The following CSMD3 variants were observed in gnomAD, a reference collection of about 807,000 sequenced individuals.
CSMD3 encodes CUB and Sushi multiple domains 3.
A neutral mutation model predicts 435.2 loss-of-function variants in CSMD3; 177 were observed. That is an observed-to-expected ratio of 0.41 (90% CI 0.36 to 0.46). The LOEUF (loss-of-function observed/expected upper bound fraction) is 0.46. Ranked by LOEUF, CSMD3 falls within the 20% of genes least tolerant of loss-of-function variation. The pLI is 0.34. For synonymous variants in CSMD3, 1,656 were observed against 1,520.5 expected, an observed-to-expected ratio of 1.09 and a Z score of -2.07; for missense variants, 4,265 against 4,504.6, an observed-to-expected ratio of 0.95 and a Z score of 1.52.
intron 3 of CSMD3, among the ~76,000 whole-genome samples, chr8:113,243,338 T>C (rs2093240182): frequency 6.6e-6 from 1 of 151,972 alleles, no homozygotes; most frequent in African/African-American, 2.4e-5. Flanking sequence ...TCAGAAATAT[T>C]TTATTTATTT....
At chr8:112,424,321 G>A (rs1254213004) in intron 32 of CSMD3, among the ~76,000 whole-genome samples, 1 of 152,128 alleles carries the variant, frequency 6.6e-6, no homozygotes, top group Admixed American at 6.5e-5. Context: ...AGAATTAATA[G>A]TAAGTTCTAA....
At chr8:112,938,414 T>G (rs2083351404) in intron 9 of CSMD3, among the ~76,000 whole-genome samples, 1 of 152,210 alleles carries the variant, frequency 6.6e-6, no homozygotes, top group Admixed American at 6.6e-5. Context: ...CTCTACATTT[T>G]TATTTTGACT....
intron 3 of CSMD3, among the ~76,000 whole-genome samples, chr8:113,217,934 GA>G (rs1263334108): frequency 6.7e-6 from 1 of 150,074 alleles, no homozygotes; most frequent in African/African-American, 2.4e-5. Context: ...AATCAAAAAT[GA>G]AAAAAAAGTA....
chr8:112,870,126 G>A (rs1477611173), intron 10 of CSMD3, among the ~76,000 whole-genome samples: 2 of 151,732 alleles, frequency 1.3e-5, no homozygotes, highest in Non-Finnish European at 2.9e-5. Flanking sequence ...TTAGGTTCAG[G>A]GTACATGCGG....
At chr8:112,312,984 G>T (rs1822126877) in intron 49 of CSMD3, among the ~76,000 whole-genome samples, 2 of 152,248 alleles carry the variant, frequency 1.3e-5, no homozygotes, top group South Asian at 4.1e-4. Context: ...GAGACAGCTG[G>T]CTGATTCTGA....
chr8:113,364,314 T>A (rs780303499), intron 1 of CSMD3, among the ~76,000 whole-genome samples: 19 of 151,962 alleles, frequency 1.3e-4, no homozygotes, highest in Non-Finnish European at 2.4e-4. Context: ...CAGGGATGGA[T>A]GTAATCACTC....
Position 113,380,860 on chromosome 8 carries a change from C to G in CSMD3, c.178+55817G>C, listed in dbSNP as rs181543134. Reference sequence around the variant, plus strand: ...AGAATATGTGATGTGGCCAGAAAACCATGTCCTGATGTGCTGCAGTCTGAA... The same window carrying G: ...AGAATATGTGATGTGGCCAGAAAACGATGTCCTGATGTGCTGCAGTCTGAA... On this transcript the variant is annotated intron_variant, in intron 1 of 70. Coordinates refer to ENST00000297405, the MANE Select transcript of CSMD3 (RefSeq NM_198123.2). Among the ~76,000 whole-genome samples the G allele has an allele frequency of 7.8e-4, 118 of 152,020 alleles. No individual in the cohort carries two copies. In the Middle Eastern group the frequency reaches 0.01, roughly 13 times the overall value.
intron 36 of CSMD3, 58 bp downstream of exon 36, chr8:112,390,606 T>G: frequency 2.9e-6 from 4 of 1,400,960 alleles, no homozygotes; most frequent in Non-Finnish European, 4.1e-6. Context: ...TTCTGTCATC[T>G]CTGAAAAGAT....
intron 59 of CSMD3, among the ~76,000 whole-genome samples, chr8:112,273,543 G>T (rs6982539): frequency 0.21 from 31,676 of 151,580 alleles, 3,754 homozygotes; most frequent in East Asian, 0.37. Context: ...GGATAACACG[G>T]TGAAACCCCG....
chr8:112,535,973 C>T (rs1323929969), intron 27 of CSMD3, among the ~76,000 whole-genome samples: 7 of 151,574 alleles, frequency 4.6e-5, no homozygotes, highest in African/African-American at 1.2e-4. Flanking sequence ...AGCCATATGT[C>T]GAAAGCTGAA....
At chr8:113,033,583 T>TTTTGCA (rs2087214829) in intron 5 of CSMD3, among the ~76,000 whole-genome samples, 1 of 147,862 alleles carries the variant, frequency 6.8e-6, no homozygotes, top group Admixed American at 6.7e-5. Context: ...TTTTTTTTTT[T>TTTTGCA]TTTGCTTTTG....
At chr8:112,231,674 A>G (rs754878687) in intron 68 of CSMD3, 42 bp from the exon 69 acceptor site, 6 of 1,109,424 alleles carry the variant, frequency 5.4e-6, no homozygotes, top group Non-Finnish European at 8.3e-6. Flanking sequence ...AATACTGGCC[A>G]TAGCTATATT....
intron 29 of CSMD3, 60 bp from the exon 30 acceptor site, chr8:112,504,037 C>T (rs1356523058): frequency 1.9e-6 from 2 of 1,068,238 alleles, no homozygotes; most frequent in Non-Finnish European, 2.8e-6. Context: ...TATTATTAGG[C>T]TGTTAACCAT....
chr8:112,934,663 A>G (rs2083221780), intron 9 of CSMD3, among the ~76,000 whole-genome samples: 1 of 152,148 alleles, frequency 6.6e-6, no homozygotes, highest in Non-Finnish European at 1.5e-5. Context: ...TTTAGAACAT[A>G]AATTCATAAG....
In CSMD3 at chr8:112,685,556, T is replaced by G; in HGVS notation, c.2332A>C (p.Lys778Gln). 1 of 1,614,004 alleles carries G rather than the reference T, an allele frequency of 6.2e-7. No homozygotes were observed. The highest frequency in any genetic ancestry group is 8.5e-7 in the Non-Finnish European group (1 of 1,179,968). Residue 778 changes from lysine to glutamine, a missense_variant, in exon 15 of 71, where the codon AAA (lysine) becomes CAA (glutamine). Transcript: ENST00000297405. ...GGGGATTCTGGAGAGTCACCATCTT[T>G]AACAGCAAGGAAATCAAACTGGGAT... Reference protein sequence around the residue: ...LESQFDFLAVKDGDSPESPIL... With the variant: ...LESQFDFLAVQDGDSPESPIL...
chr8:112,602,940 G>A (rs1332652805), intron 22 of CSMD3, among the ~76,000 whole-genome samples: 1 of 152,252 alleles, frequency 6.6e-6, no homozygotes, highest in Non-Finnish European at 1.5e-5. Context: ...GAGAGACAAA[G>A]TCTTGCTCTG....
chr8:112,863,791 T>C (rs2080891231), intron 10 of CSMD3, among the ~76,000 whole-genome samples: 1 of 152,050 alleles, frequency 6.6e-6, no homozygotes, highest in African/African-American at 2.4e-5. Context: ...GTAGTACATT[T>C]GAGAAATTCA....
intron 4 of CSMD3, among the ~76,000 whole-genome samples, chr8:113,168,124 C>G (rs113675179): frequency 1.1e-4 from 16 of 152,226 alleles, no homozygotes; most frequent in African/African-American, 3.9e-4. Flanking sequence ...TGACGCTACT[C>G]TCTCTGTGAT....
intron 12 of CSMD3, among the ~76,000 whole-genome samples, chr8:112,803,472 T>G (rs2132344336): frequency 6.6e-6 from 1 of 152,260 alleles, no homozygotes; most frequent in South Asian, 2.1e-4. Flanking sequence ...CAAAAGTCAC[T>G]TATCATTTAT....
Sources: allele counts gnomAD v4.1 joint callset (sites outside exome capture counted in the v4.1 genomes callset), GRCh38; gene constraint gnomAD v4.1.1; transcripts MANE v1.5; gene names NCBI Gene and HGNC (gene_info 2026-07-23, HGNC 2026-07-21).